The following LRP1B variants were observed in gnomAD, a reference collection of about 807,000 sequenced individuals.
LRP1B encodes low-density lipoprotein receptor-related protein 1B.
A neutral mutation model predicts 556.6 loss-of-function variants in LRP1B; 217 were observed. The ratio of observed to expected loss-of-function variants is 0.39; its 90% confidence interval spans 0.35 to 0.44. The LOEUF is 0.44. LRP1B is among the 20% of genes least tolerant of loss of function. The pLI is 1.00. For synonymous variants in LRP1B, 2,047 were observed against 1,865.8 expected (o/e 1.10, Z -2.50); for missense variants, 5,053 against 5,620.8 (o/e 0.90, Z 3.23).
chr2:142,060,789 A>G (rs958410247), intron 1 of LRP1B, among the ~76,000 whole-genome samples: 18 of 152,096 alleles, frequency 1.2e-4, no homozygotes, highest in Non-Finnish European at 2.9e-5. Flanking sequence ...AATTTGTAAA[A>G]TCAGCTTAAA....
chr2:141,184,792 C>T (rs749137171), intron 7 of LRP1B, among the ~76,000 whole-genome samples: 1 of 151,754 alleles, frequency 6.6e-6, no homozygotes, highest in Non-Finnish European at 1.5e-5. Flanking sequence ...GAGCCATACT[C>T]AGAGGTACCC....
intron 2 of LRP1B, among the ~76,000 whole-genome samples, chr2:141,627,025 G>A (rs1055011758): frequency 6.6e-6 from 1 of 152,192 alleles, no homozygotes; most frequent in African/African-American, 2.4e-5. Flanking sequence ...ATTTACAACT[G>A]CCAAAATATA....
intron 2 of LRP1B, among the ~76,000 whole-genome samples, chr2:141,735,134 T>G (rs1574299380): frequency 9.1e-6 from 1 of 109,860 alleles, no homozygotes; most frequent in African/African-American, 3.2e-5. Context: ...GGGTTTTGTT[T>G]CATTTTGTTT....
intron 41 of LRP1B, among the ~76,000 whole-genome samples, chr2:140,631,328 T>G (rs1258215342): frequency 1.3e-5 from 2 of 152,150 alleles, no homozygotes; most frequent in Non-Finnish European, 2.9e-5. Context: ...GCATCAGAAC[T>G]GGGCTACAAA....
chr2:140,673,545 C>T (rs1210490085), intron 41 of LRP1B, among the ~76,000 whole-genome samples: 1 of 152,146 alleles, frequency 6.6e-6, no homozygotes, highest in East Asian at 1.9e-4. Flanking sequence ...ACATCTATAT[C>T]TATGAACAGT....
chr2:140,473,108 T>C (rs1000523516), intron 60 of LRP1B, among the ~76,000 whole-genome samples: 8 of 152,010 alleles, frequency 5.3e-5, no homozygotes, highest in African/African-American at 1.7e-4. Flanking sequence ...TTTACAAACA[T>C]GGCAAATTAA....
Position 140,642,152 on chromosome 2 carries a change from T to C in LRP1B, c.6800-40513A>G, listed in dbSNP as rs552211176. On this transcript the variant is annotated intron_variant, in intron 41 of 90. Coordinates refer to ENST00000389484, the MANE Select transcript of LRP1B (RefSeq NM_018557.3). Reference sequence around the variant, plus strand: ...TATCATTGAGAATCTGCCCCACTCTTCTTTCCCATTTGTTGTCAGTGCCAA... The same window carrying C: ...TATCATTGAGAATCTGCCCCACTCTCCTTTCCCATTTGTTGTCAGTGCCAA... 2.0e-5 allele frequency among the ~76,000 whole-genome samples: 3 copies of C among 152,296 alleles called. No individual in the cohort carries two copies. The South Asian group carries it at 6.2e-4, about 32-fold the overall frequency.
chr2:142,077,516 AC>A (rs1303741426), intron 1 of LRP1B, among the ~76,000 whole-genome samples: 1 of 152,174 alleles, frequency 6.6e-6, no homozygotes, highest in Admixed American at 6.6e-5. Flanking sequence ...ATATTTATGA[AC>A]AAAAATGTCT....
intron 52 of LRP1B, 152 bp from the exon 53 acceptor site, chr2:140,507,070 G>A (rs1205138385): frequency 3.3e-6 from 2 of 615,096 alleles, no homozygotes; most frequent in Non-Finnish European, 5.4e-6. Flanking sequence ...CATCAGATAA[G>A]CTAATAATTG....
In LRP1B at chr2:142,131,002, A is replaced by G. The variant is rs1045093006; in HGVS notation, c.-273T>C. On this transcript the variant is annotated 5_prime_UTR_variant, in exon 1 of 91. Coordinates refer to ENST00000389484, the MANE Select transcript of LRP1B (RefSeq NM_018557.3). ...GACGCCCGTGTGTCTTGACTTTTCA[A>G]TGCAGGGTACGTCTGATCTTACATC... 1.5e-5 allele frequency: 8 copies of G among 526,988 alleles called. No homozygotes were observed. The highest frequency in any genetic ancestry group is 1.2e-4 in the African/African-American group (6 of 52,038). The allele number at this position is 526,988 out of a possible 1,614,324, so 32.6% of individuals were successfully genotyped here. A position where few individuals can be genotyped will look rare whatever the true frequency, so the allele number is the denominator to read the frequency against.
intron 41 of LRP1B, among the ~76,000 whole-genome samples, chr2:140,663,454 A>G (rs1685165578): frequency 6.6e-6 from 1 of 152,188 alleles, no homozygotes; most frequent in Admixed American, 6.5e-5. Flanking sequence ...CTTCTACATC[A>G]GTACTTGCTG....
intron 20 of LRP1B, among the ~76,000 whole-genome samples, chr2:140,928,363 T>C (rs1468914065): frequency 6.6e-6 from 1 of 152,108 alleles, no homozygotes; most frequent in Non-Finnish European, 1.5e-5. Flanking sequence ...CTTACACACA[T>C]ATACAACTTA....
chr2:140,808,217 C>CCCAG (rs148862152), intron 32 of LRP1B, among the ~76,000 whole-genome samples: 1 of 151,926 alleles, frequency 6.6e-6, no homozygotes, highest in Non-Finnish European at 1.5e-5. Flanking sequence ...AGTCATTGCA[C>CCCAG]TGTCACTGGA....
chr2:140,582,550 G>A (rs1681812886), intron 43 of LRP1B, among the ~76,000 whole-genome samples: 6 of 152,162 alleles, frequency 3.9e-5, no homozygotes, highest in Admixed American at 3.9e-4. Flanking sequence ...GATCTCATTA[G>A]CCCGTCCTTA....
chr2:141,009,093 T>C (rs1243572630), intron 14 of LRP1B, among the ~76,000 whole-genome samples: 2 of 151,940 alleles, frequency 1.3e-5, no homozygotes, highest in Non-Finnish European at 2.9e-5. Flanking sequence ...TCCTTTTCTA[T>C]ATGTGTCCTG....
At chr2:141,865,378 G>A (rs1356313881) in intron 1 of LRP1B, among the ~76,000 whole-genome samples, 1 of 151,698 alleles carries the variant, frequency 6.6e-6, no homozygotes, top group Non-Finnish European at 1.5e-5. Flanking sequence ...GGATCACGAG[G>A]TCAGGAGATC....
intron 6 of LRP1B, among the ~76,000 whole-genome samples, chr2:141,210,968 G>C (rs1194970362): frequency 6.6e-6 from 1 of 152,098 alleles, no homozygotes; most frequent in African/African-American, 2.4e-5. Flanking sequence ...AGAGTGCTAA[G>C]AGGTTTATTT....
At chr2:141,328,039 T>C (rs558846635) in intron 3 of LRP1B, among the ~76,000 whole-genome samples, 1 of 152,094 alleles carries the variant, frequency 6.6e-6, no homozygotes, top group South Asian at 2.1e-4. Flanking sequence ...ATATCATGAA[T>C]CTAAATAAAA....
At chr2:141,796,610 T>C (rs1421237207) in intron 2 of LRP1B, among the ~76,000 whole-genome samples, 1 of 145,966 alleles carries the variant, frequency 6.9e-6, no homozygotes, top group Non-Finnish European at 1.5e-5. Flanking sequence ...TTGTATGACA[T>C]GTGAAAAGAT....
Sources: gnomAD v4.1 joint callset for allele counts (sites outside exome capture counted in the v4.1 genomes callset) on GRCh38, gnomAD v4.1.1 for gene constraint, MANE v1.5 for transcripts, NCBI Gene and HGNC (gene_info 2026-07-23, HGNC 2026-07-21) for gene names.